Variants in CHST8 observed in about 807,000 individuals in gnomAD.
CHST8 encodes the protein carbohydrate sulfotransferase 8, also known as GALNAC-4-ST1.
CHST8 carries 10 observed loss-of-function variants against 15.0 expected under a neutral mutation model. The ratio of observed to expected loss-of-function variants is 0.67; its 90% confidence interval spans 0.41 to 1.13. The LOEUF is 1.13. Among genes scored for constraint, CHST8 ranks in the 50% most tolerant of loss-of-function variants. The probability of loss-of-function intolerance (pLI) is 0.00; values close to 1 mark genes in which losing one functional copy is unlikely to be tolerated. For synonymous variants in CHST8, 259 were observed against 256.6 expected (o/e 1.01, Z -0.09); for missense variants, 634 against 608.2 (o/e 1.04, Z -0.45).
chr19:33,686,841 G>A (rs1366124656), intron 2 of CHST8, among the ~76,000 whole-genome samples: 1 of 152,192 alleles, frequency 6.6e-6, no homozygotes. Context: ...TGGCCGGCAT[G>A]CACCCGGGCA....
intron 1 of CHST8, among the ~76,000 whole-genome samples, chr19:33,644,892 G>A (rs1444160081): frequency 6.6e-6 from 1 of 152,168 alleles, no homozygotes; most frequent in Non-Finnish European, 1.5e-5. Context: ...TGAGATTAGA[G>A]GTTGGGAAGA....
chr19:33,677,665 C>T (rs1293006059), intron 2 of CHST8, among the ~76,000 whole-genome samples: 2 of 152,162 alleles, frequency 1.3e-5, no homozygotes, highest in South Asian at 2.1e-4. Context: ...AACAGGAGCC[C>T]AGATACATAG....
chr19:33,669,272 A>G (rs921722928), intron 2 of CHST8, among the ~76,000 whole-genome samples: 2 of 152,118 alleles, frequency 1.3e-5, no homozygotes, highest in East Asian at 1.9e-4. Context: ...CCATCTACAA[A>G]CCAAACATGA....
chr19:33,770,154 G>A (rs1452097024), intron 3 of CHST8, among the ~76,000 whole-genome samples: 1 of 152,188 alleles, frequency 6.6e-6, no homozygotes, highest in Non-Finnish European at 1.5e-5. Context: ...AGAATCTCTG[G>A]CTCAGGGAAG....
At chr19:33,712,413 A>G (rs994235787) in intron 3 of CHST8, among the ~76,000 whole-genome samples, 2 of 152,160 alleles carry the variant, frequency 1.3e-5, no homozygotes, top group Non-Finnish European at 2.9e-5. Context: ...TTGTAGTATC[A>G]AGAAGGTGAG....
chr19:33,695,829 T>TTCTTTC, intron 3 of CHST8, among the ~76,000 whole-genome samples: 2 of 86,576 alleles, frequency 2.3e-5, no homozygotes, highest in African/African-American at 5.8e-5. Context: ...TTCTTTTTTT[T>TTCTTTC]TTTTTTTTTT....
chr19:33,760,879 T>TG (rs1356819012), intron 3 of CHST8, among the ~76,000 whole-genome samples: 1 of 152,184 alleles, frequency 6.6e-6, no homozygotes, highest in Non-Finnish European at 1.5e-5. Context: ...CTTGCTAGAC[T>TG]GGAAGCTTCA....
chr19:33,700,682 G>A (rs1368801469), intron 3 of CHST8, among the ~76,000 whole-genome samples: 2 of 152,174 alleles, frequency 1.3e-5, no homozygotes, highest in East Asian at 3.9e-4. Context: ...CTTCGTGGGG[G>A]TTCCTCCTAG....
At chr19:33,725,843 T>C (rs1338154158) in intron 3 of CHST8, among the ~76,000 whole-genome samples, 2 of 152,134 alleles carry the variant, frequency 1.3e-5, no homozygotes, top group Non-Finnish European at 2.9e-5. Flanking sequence ...CAGGGCAGAG[T>C]GACCTGGGCC....
intron 2 of CHST8, among the ~76,000 whole-genome samples, chr19:33,683,760 G>T (rs1972929224): frequency 6.6e-6 from 1 of 152,166 alleles, no homozygotes; most frequent in South Asian, 2.1e-4. Flanking sequence ...GAGAGGCCTC[G>T]ATGCGATTCC....
In CHST8 at chr19:33,696,397, G is replaced by A. The variant is rs528345500; in HGVS notation, c.130+7006G>A. Among the ~76,000 whole-genome samples the A allele has an allele frequency of 1.5e-3, 231 of 152,046 alleles. 1 individual carries two copies. Among genetic ancestry groups the A allele is most frequent in the African/African-American group, 5.4e-3 (224 of 41,490 alleles). ...TGCGCGAGCTATCAAAGCTGAGCTC[G>A]GCCTACTGTCAGATCGGTGGCCACA... On this transcript the variant is annotated intron_variant, in intron 3 of 4. Coordinates refer to ENST00000650847, the MANE Select transcript of CHST8 (RefSeq NM_001127895.2).
At chr19:33,718,364 G>A (rs1292387405) in intron 3 of CHST8, among the ~76,000 whole-genome samples, 1 of 151,988 alleles carries the variant, frequency 6.6e-6, no homozygotes, top group Non-Finnish European at 1.5e-5. Context: ...GATTACAGGC[G>A]TGAGCCTCTG....
chr19:33,721,017 C>T (rs1312004000), intron 3 of CHST8, among the ~76,000 whole-genome samples: 1 of 152,248 alleles, frequency 6.6e-6, no homozygotes, highest in Non-Finnish European at 1.5e-5. Context: ...GCTTGCACCT[C>T]TGGCCATCCC....
At chr19:33,677,550 C>T (rs1300208163) in intron 2 of CHST8, among the ~76,000 whole-genome samples, 1 of 152,210 alleles carries the variant, frequency 6.6e-6, no homozygotes. Flanking sequence ...TTCCACCAGA[C>T]CCAAGCCTGT....
chr19:33,726,358 C>T (rs1200067633), intron 3 of CHST8, among the ~76,000 whole-genome samples: 14 of 152,144 alleles, frequency 9.2e-5, no homozygotes, highest in South Asian at 2.1e-4. Flanking sequence ...CTCAGGAGTT[C>T]GAGACCAGCC....
chr19:33,708,267 A>G (rs1266681989), intron 3 of CHST8, among the ~76,000 whole-genome samples: 9 of 152,098 alleles, frequency 5.9e-5, no homozygotes, highest in Non-Finnish European at 1.3e-4. Context: ...TTTTTCGTTG[A>G]TGGATTATGC....
chr19:33,637,137 C>T (rs562040406), intron 1 of CHST8, among the ~76,000 whole-genome samples: 99 of 152,316 alleles, frequency 6.5e-4, no homozygotes, highest in South Asian at 1.7e-3. Flanking sequence ...CCAGAGGTCA[C>T]TCTCATCACC....
chr19:33,746,879 T>C (rs1289253111), intron 3 of CHST8, among the ~76,000 whole-genome samples: 1 of 152,238 alleles, frequency 6.6e-6, no homozygotes, highest in Non-Finnish European at 1.5e-5. Context: ...TCATTTTCTT[T>C]GGATGCTACT....
At chr19:33,641,193 G>A (rs1160613696) in intron 1 of CHST8, among the ~76,000 whole-genome samples, 2 of 152,134 alleles carry the variant, frequency 1.3e-5, no homozygotes, top group Admixed American at 6.5e-5. Flanking sequence ...TGTCTGCACC[G>A]TCCATCCCAG....
Sources: allele counts gnomAD v4.1 joint callset (sites outside exome capture counted in the v4.1 genomes callset), GRCh38; gene constraint gnomAD v4.1.1; transcripts MANE v1.5; gene names NCBI Gene and HGNC (gene_info 2026-07-23, HGNC 2026-07-21).